The following TEAD1 variants were observed in gnomAD, a reference collection of about 807,000 sequenced individuals.
TEAD1 encodes transcriptional enhancer factor TEF-1.
A neutral mutation model predicts 54.9 loss-of-function variants in TEAD1; 9 were observed. The ratio of observed to expected loss-of-function variants is 0.16; its 90% CI spans 0.10 to 0.29. TEAD1 has a LOEUF of 0.29. Among genes scored for constraint, TEAD1 ranks in the 10% least tolerant of loss-of-function variants. TEAD1 has a pLI of 1.00. For missense variants in TEAD1, 387 were observed against 535.9 expected, an observed-to-expected ratio of 0.72 and a Z score of 2.74; for synonymous variants, 200 against 187.8, an observed-to-expected ratio of 1.07 and a Z score of -0.53.
At chr11:12,864,797 C>T (rs545109252) in intron 4 of TEAD1, 41 bp from the exon 5 acceptor site, 1 of 1,613,880 alleles carries the variant, frequency 6.2e-7, no homozygotes, top group African/African-American at 1.3e-5. Context: ...TCCATGGTTA[C>T]AGGCTTTTCC....
intron 3 of TEAD1, among the ~76,000 whole-genome samples, chr11:12,810,007 G>A (rs1446118628): frequency 2.3e-5 from 3 of 130,320 alleles, no homozygotes; most frequent in Admixed American, 8.6e-5. Context: ...TTGAGATGGA[G>A]CCTCCCTCTG....
At chr11:12,849,203 G>C (rs537989995) in intron 3 of TEAD1, 1 of 152,022 alleles carries the variant, frequency 6.6e-6, no homozygotes, top group African/African-American at 2.4e-5. Flanking sequence ...ACATGCCACC[G>C]TGTCCAGCTA....
rs781365441 is a variant in TEAD1 at position 12,879,755 on chromosome 11, C to G, written c.378C>G (p.Ser126=). ...CCCTGCAGCACATGGCGGCCATGTC[C>G]TCAGCCCAGATCGTCTCGGCCACTG... The change falls in exon 6 of 13, where the codon TCC becomes TCG. Residue 126 remains serine, a synonymous_variant. Coordinates refer to ENST00000527636, the MANE Select transcript of TEAD1 (RefSeq NM_021961.6). 6.2e-7 allele frequency: 1 copy of G among 1,614,198 alleles called. No homozygotes were observed. Among genetic ancestry groups the G allele is most frequent in the South Asian group, 1.1e-5 (1 of 91,084 alleles).
chr11:12,731,812 G>A (rs1944430586), intron 2 of TEAD1, among the ~76,000 whole-genome samples: 1 of 152,058 alleles, frequency 6.6e-6, no homozygotes, highest in Non-Finnish European at 1.5e-5. Flanking sequence ...TCATTCTCTA[G>A]CCTCACTGTC....
intron 2 of TEAD1, among the ~76,000 whole-genome samples, chr11:12,715,108 C>G (rs1486880914): frequency 6.6e-6 from 1 of 152,138 alleles, no homozygotes; most frequent in Non-Finnish European, 1.5e-5. Context: ...CCTTATGGAG[C>G]ATACCATGGG....
chr11:12,699,931 T>C (rs1352873605), intron 2 of TEAD1, among the ~76,000 whole-genome samples: 3 of 152,326 alleles, frequency 2.0e-5, no homozygotes, highest in East Asian at 1.9e-4. Flanking sequence ...GGGAATGTTT[T>C]GGTCTATGAG....
intron 2 of TEAD1, among the ~76,000 whole-genome samples, chr11:12,756,919 A>C (rs1300828795): frequency 6.6e-6 from 1 of 152,208 alleles, no homozygotes; most frequent in Non-Finnish European, 1.5e-5. Flanking sequence ...TTGAGGTACC[A>C]GTTCACTTTG....
intron 3 of TEAD1, among the ~76,000 whole-genome samples, chr11:12,788,738 G>A (rs1945735369): frequency 6.6e-6 from 1 of 152,250 alleles, no homozygotes; most frequent in Non-Finnish European, 1.5e-5. Context: ...TGGAATTACA[G>A]GGGTGATCCC....
At chr11:12,881,109 G>A in intron 7 of TEAD1, 58 bp downstream of exon 7, 5 of 1,586,450 alleles carry the variant, frequency 3.2e-6, no homozygotes, top group Non-Finnish European at 4.3e-6. Context: ...CCCACGTGGG[G>A]AGAGCTCTTC....
At chr11:12,769,981 A>G (rs1337234444) in intron 3 of TEAD1, among the ~76,000 whole-genome samples, 1 of 152,158 alleles carries the variant, frequency 6.6e-6, no homozygotes, top group Non-Finnish European at 1.5e-5. Context: ...GGCTAGAAAA[A>G]AAGAAGGAAA....
Position 12,879,013 on chromosome 11 carries a change from A to T in TEAD1, c.331-695A>T, listed in dbSNP as rs143011107. The T allele has an allele frequency of 6.0e-6, 5 of 837,482 alleles. No individual in the cohort carries two copies. The African/African-American group carries it at 9.0e-5, about 15-fold the overall frequency. 51.9% of individuals were successfully genotyped at this position (837,482 alleles called of 1,614,324 possible). A position where few individuals can be genotyped will look rare whatever the true frequency, so the allele number is the denominator to read the frequency against. On this transcript the variant is annotated intron_variant, in intron 5 of 12. Transcript: ENST00000527636. ...TTCCTAGAAAAGACCCGTTCAGGAA[A>T]AGGAGAAACCACGTACCTGTAGCAT...
chr11:12,943,165 G>C lies in TEAD1; in HGVS notation c.*5943G>C, dbSNP rs1458091383. 2.0e-5 allele frequency: 3 copies of C among 152,200 alleles called. No homozygotes were observed. The highest frequency in any genetic ancestry group is 4.4e-5 in the Non-Finnish European group (3 of 68,034). The allele number at this position is 152,200 out of a possible 1,614,324, so 9.4% of individuals were successfully genotyped here. On this transcript the variant is annotated 3_prime_UTR_variant, in exon 13 of 13. Coordinates refer to ENST00000527636, the MANE Select transcript of TEAD1 (RefSeq NM_021961.6). ...GAGTGATTCTTATCCACTCCAAGTT[G>C]TAAGTATTTGTAGAAATTTGTGCAA...
intron 3 of TEAD1, among the ~76,000 whole-genome samples, chr11:12,832,888 A>T (rs1398831547): frequency 6.6e-5 from 10 of 152,262 alleles, no homozygotes; most frequent in Admixed American, 1.3e-4. Context: ...CTGCTAGTGC[A>T]GTCTTAGCAC....
At chr11:12,803,907 G>A (rs1239846326) in intron 3 of TEAD1, among the ~76,000 whole-genome samples, 1 of 152,188 alleles carries the variant, frequency 6.6e-6, no homozygotes, top group African/African-American at 2.4e-5. Flanking sequence ...CTGAAGCAGC[G>A]TTGTGGATTT....
At chr11:12,699,456 C>G (rs1245320850) in intron 2 of TEAD1, among the ~76,000 whole-genome samples, 1 of 152,110 alleles carries the variant, frequency 6.6e-6, no homozygotes. Flanking sequence ...AATAGTTTTA[C>G]CTTTTCTAAA....
chr11:12,829,853 G>A lies in TEAD1; in HGVS notation c.203-32397G>A, dbSNP rs561634915. 1.7e-4 allele frequency among the ~76,000 whole-genome samples: 26 copies of A among 152,338 alleles called. No homozygotes were observed. The East Asian group carries it at 3.5e-3, about 20-fold the overall frequency. The stretch of plus-strand genomic sequence containing the variant: ...ACCTGGGTGTTGGCATCAAGGGGCT[G>A]TTGAGGCCATCTTTATTTCTCCATA... On this transcript the variant is annotated intron_variant, in intron 3 of 12. Transcript: ENST00000527636.
intron 3 of TEAD1, among the ~76,000 whole-genome samples, chr11:12,825,319 G>C (rs1946629392): frequency 6.6e-6 from 1 of 152,160 alleles, no homozygotes; most frequent in Non-Finnish European, 1.5e-5. Flanking sequence ...GCCTGTACTA[G>C]AAAACCTAAA....
At chr11:12,710,881 C>T (rs1180887435) in intron 2 of TEAD1, among the ~76,000 whole-genome samples, 1 of 152,002 alleles carries the variant, frequency 6.6e-6, no homozygotes, top group Non-Finnish European at 1.5e-5. Context: ...TGAGTGCTAG[C>T]GTCTCCTGGA....
chr11:12,859,845 G>A (rs930011170), intron 3 of TEAD1, among the ~76,000 whole-genome samples: 3 of 152,108 alleles, frequency 2.0e-5, no homozygotes, highest in African/African-American at 7.2e-5. Flanking sequence ...ATCAGAAGAC[G>A]AGCCCGTATG....
Sources: allele counts gnomAD v4.1 joint callset (sites outside exome capture counted in the v4.1 genomes callset), GRCh38; gene constraint gnomAD v4.1.1; transcripts MANE v1.5; gene names NCBI Gene and HGNC (gene_info 2026-07-23, HGNC 2026-07-21).